The following SYTL5 variants were observed in gnomAD, a reference collection of about 807,000 sequenced individuals.
SYTL5 encodes synaptotagmin-like protein 5.
In SYTL5, 34 loss-of-function variants were observed where a neutral mutation model predicts 55.9. The observed-to-expected ratio is 0.61, with a 90% CI of 0.46 to 0.81. The LOEUF is 0.81. SYTL5 is among the 30% of genes least tolerant of loss of function. The pLI is 0.00. For synonymous variants in SYTL5, 221 were observed against 188.7 expected, an observed-to-expected ratio of 1.17 and a Z score of -1.40; for missense variants, 637 against 546.7, an observed-to-expected ratio of 1.17 and a Z score of -1.65.
chrX:38,023,671 C>T (rs974045101), intron 1 of SYTL5, among the ~76,000 whole-genome samples: 8 of 111,380 alleles, frequency 7.2e-5, no homozygotes, highest in Admixed American at 9.6e-5. Flanking sequence ...AATTGAACAT[C>T]GGTATTGCTC....
the SYTL5 span, among the ~76,000 whole-genome samples, chrX:37,918,930 C>T: frequency 9.9e-6 from 1 of 101,383 alleles, no homozygotes; most frequent in African/African-American, 4.0e-5. Context: ...GCAAGGGAGT[C>T]TGGAAAGTGT....
chrX:38,042,358 G>A (rs184189325), intron 2 of SYTL5, among the ~76,000 whole-genome samples: 53 of 110,860 alleles, frequency 4.8e-4, no homozygotes, highest in Non-Finnish European at 1.7e-4. Context: ...TGTGTATAGG[G>A]AGAGTTGGCC....
chrX:38,034,380 A>G (rs146043817), intron 2 of SYTL5, among the ~76,000 whole-genome samples: 1,206 of 112,235 alleles, frequency 0.011, 3 homozygotes, highest in Non-Finnish European at 0.016. Flanking sequence ...AACAAAGATA[A>G]TAACAGTATC....
At chrX:37,910,705 A>T in the SYTL5 span, among the ~76,000 whole-genome samples, 4 of 112,195 alleles carry the variant, frequency 3.6e-5, no homozygotes, top group African/African-American at 9.7e-5. Flanking sequence ...TTTAATGGAC[A>T]TCGGAATCAC....
chrX:38,029,386 T>C lies in SYTL5; in HGVS notation c.-356-4148T>C, dbSNP rs188990150. ...TCAGTTTCTTTACACACCTTGCATGTAAAACTGTTTCTTCAGTTGTCTCAA... is the reference window on the plus strand; with the variant it reads ...TCAGTTTCTTTACACACCTTGCATGCAAAACTGTTTCTTCAGTTGTCTCAA... On this transcript the variant is annotated intron_variant, in intron 1 of 16. Transcript: ENST00000297875. Among the ~76,000 whole-genome samples the C allele has an allele frequency of 2.7e-5, 3 of 112,765 alleles. No individual in the cohort carries two copies. In the Admixed American group the frequency reaches 2.8e-4, roughly 11 times the overall value.
intron 7 of SYTL5, among the ~76,000 whole-genome samples, chrX:38,090,675 G>T (rs1472961092): frequency 8.9e-6 from 1 of 112,235 alleles, no homozygotes; most frequent in African/African-American, 3.2e-5. Flanking sequence ...GCAAAGACTT[G>T]AAGGAAGTGA....
Position 38,108,692 on chromosome X carries a change from C to A in SYTL5, c.1427C>A (p.Thr476Lys). The A allele has an allele frequency of 8.5e-7, 1 of 1,178,453 alleles. No individual in the cohort carries two copies. Among genetic ancestry groups the A allele is most frequent in the Admixed American group, 2.2e-5 (1 of 44,932 alleles). ...GGCACCAATCCAGAATTCAATGAAA[C>A]ACTAAAGGTAAATAAATACGGTCTC... Reference protein sequence around the residue: ...RTGTNPEFNETLKYTISHTQL... With the variant: ...RTGTNPEFNEKLKYTISHTQL... The change falls in exon 12 of 17, where the codon ACA (threonine) becomes AAA (lysine). Residue 476 changes from threonine to lysine, a missense_variant. Coordinates refer to ENST00000297875, the MANE Select transcript of SYTL5 (RefSeq NM_138780.3).
upstream of SYTL5, among the ~76,000 whole-genome samples, chrX:38,004,970 G>T (rs1286190981): frequency 9.0e-6 from 1 of 111,487 alleles, no homozygotes; most frequent in East Asian, 2.8e-4. Flanking sequence ...TTGAGGCTAT[G>T]GATACCCCAT....
the SYTL5 span, among the ~76,000 whole-genome samples, chrX:37,954,784 C>T: frequency 1.8e-5 from 2 of 111,512 alleles, no homozygotes; most frequent in Non-Finnish European, 3.8e-5. Context: ...CACACATACA[C>T]GCACAAATGG....
At chrX:38,113,989 G>A (rs573830444) in intron 13 of SYTL5, among the ~76,000 whole-genome samples, 468 of 111,540 alleles carry the variant, frequency 4.2e-3, no homozygotes, top group Non-Finnish European at 6.8e-3. Flanking sequence ...CTTAACAACA[G>A]TTACTCTCCA....
chrX:38,107,300 C>A (rs1035801258), intron 11 of SYTL5, among the ~76,000 whole-genome samples: 2 of 111,529 alleles, frequency 1.8e-5, no homozygotes, highest in Admixed American at 9.5e-5. Flanking sequence ...GGACTCTGCA[C>A]GCAGTTATAA....
chrX:38,002,469 A>C (rs1021181371), upstream of SYTL5, among the ~76,000 whole-genome samples: 37 of 111,896 alleles, frequency 3.3e-4, no homozygotes, highest in Admixed American at 3.0e-3. Flanking sequence ...GAACTAGTTA[A>C]CAGTCCCACC....
intron 16 of SYTL5, 98 bp from the exon 17 acceptor site, chrX:38,126,490 A>C: frequency 1.2e-6 from 1 of 861,878 alleles, no homozygotes; most frequent in Non-Finnish European, 1.7e-6. Context: ...AGTAAAAGGT[A>C]CTCTGGTGAA....
chrX:37,993,754 G>A, the SYTL5 span, among the ~76,000 whole-genome samples: 1 of 112,441 alleles, frequency 8.9e-6, no homozygotes, highest in East Asian at 2.8e-4. Context: ...GACAATGCAA[G>A]GCTAAACTTA....
At chrX:37,943,957 C>T in the SYTL5 span, among the ~76,000 whole-genome samples, 2 of 110,982 alleles carry the variant, frequency 1.8e-5, no homozygotes, top group South Asian at 7.7e-4. Flanking sequence ...ATGGCCTCAT[C>T]GGCAGAGTTC....
At chrX:37,960,046 G>C in the SYTL5 span, among the ~76,000 whole-genome samples, 5 of 111,759 alleles carry the variant, frequency 4.5e-5, no homozygotes, top group Admixed American at 1.9e-4. Context: ...ATGATGAGGA[G>C]TGCTGCACCA....
the SYTL5 span, among the ~76,000 whole-genome samples, chrX:37,920,395 C>T: frequency 9.1e-6 from 1 of 110,214 alleles, no homozygotes; most frequent in African/African-American, 3.3e-5. Context: ...AGCTTTTCCT[C>T]CTACACCTCT....
At chrX:37,997,830 T>C in the SYTL5 span, among the ~76,000 whole-genome samples, 1 of 112,079 alleles carries the variant, frequency 8.9e-6, no homozygotes, top group African/African-American at 3.2e-5. Flanking sequence ...CGGGAATGTG[T>C]TGTGCTTTAT....
At chrX:37,941,620 G>T in the SYTL5 span, among the ~76,000 whole-genome samples, 1 of 111,610 alleles carries the variant, frequency 9.0e-6, no homozygotes, top group African/African-American at 3.3e-5. Context: ...TTTAACCAAT[G>T]ACTGATGGGA....
Sources: gnomAD v4.1 joint callset for allele counts (sites outside exome capture counted in the v4.1 genomes callset) on GRCh38, gnomAD v4.1.1 for gene constraint, MANE v1.5 for transcripts, NCBI Gene and HGNC (gene_info 2026-07-23, HGNC 2026-07-21) for gene names.